ZNF3: variants seen among roughly 807,000 people sequenced by gnomAD.
The protein encoded by ZNF3 is C2-H2 type zinc finger protein.
ZNF3 carries 16 observed loss-of-function variants against 36.9 expected under a neutral mutation model. That is an observed-to-expected ratio of 0.43 (90% CI 0.29 to 0.66). The LOEUF is 0.66. ZNF3 is among the 30% of genes least tolerant of loss of function. The pLI is 0.13. For synonymous variants in ZNF3, 201 were observed against 201.9 expected (o/e 1.00, Z 0.04); for missense variants, 462 against 543.1 (o/e 0.85, Z 1.48).
At chr7:100,065,508 C>T (rs1332344666), downstream of ZNF3, among the ~76,000 whole-genome samples, 1 of 151,962 alleles carries the variant, frequency 6.6e-6, no homozygotes, top group Non-Finnish European at 1.5e-5. Context: ...TGTGCCGGCA[C>T]AGCTGTTGTG....
upstream of ZNF3, chr7:100,082,170 T>C (rs1159361006): frequency 6.6e-6 from 1 of 152,224 alleles, no homozygotes; most frequent in African/African-American, 2.4e-5. Context: ...CAAACCGAGT[T>C]TTTTTTGTTT....
At chr7:100,066,373 C>T (rs984576972), downstream of ZNF3, among the ~76,000 whole-genome samples, 2 of 151,920 alleles carry the variant, frequency 1.3e-5, no homozygotes, top group Admixed American at 1.3e-4. Flanking sequence ...CCCAGGAGTT[C>T]GAGACCAGCC....
rs767923307 is a variant in ZNF3 at position 100,064,055 on chromosome 7, G to C, written c.*733C>G. ...TGTGCTGAATGTGGCAAAGCCTTTA[G>C]TAATAGCTCAAATCTCACCAAACAC... is the stretch of plus-strand genomic sequence containing the variant. On this transcript the variant is annotated 3_prime_UTR_variant, in exon 6 of 6. Coordinates refer to the ZNF3 transcript ENST00000413658. 1.5e-5 allele frequency: 25 copies of C among 1,614,120 alleles called. No individual in the cohort carries two copies. The South Asian group carries it at 2.6e-4, about 17-fold the overall frequency.
chr7:100,077,135 T>C lies in ZNF3; in HGVS notation c.55+168A>G, dbSNP rs1420647864. On this transcript the variant is annotated intron_variant, in intron 3 of 5. Coordinates refer to ENST00000299667, the MANE Select transcript of ZNF3 (RefSeq NM_032924.5). ...TCAAACCTATCAAGCTGTCATTGAT[T>C]ACTGTTCGGTCAGCTTCCCCACTAG... 9 of 701,392 alleles carry C rather than the reference T, an allele frequency of 1.3e-5. No individual in the cohort carries two copies. In the Admixed American group the frequency reaches 1.3e-4, roughly 10 times the overall value. The allele number at this position is 701,392 out of a possible 1,614,324, so 43.4% of individuals were successfully genotyped here.
downstream of ZNF3, chr7:100,065,091 A>C (rs964966582): frequency 3.1e-4 from 285 of 928,714 alleles, 2 homozygotes; most frequent in Admixed American, 1.1e-3. Flanking sequence ...TTGAATACTT[A>C]CAGATGGAGA....
chr7:100,074,661 A>G (rs1412090555), intron 5 of ZNF3, among the ~76,000 whole-genome samples: 1 of 152,220 alleles, frequency 6.6e-6, no homozygotes, highest in Non-Finnish European at 1.5e-5. Flanking sequence ...AAGAATATAT[A>G]TGAGAACTCT....
chr7:100,064,092 C>G, exon 6 of ZNF3: 1 of 1,614,190 alleles, frequency 6.2e-7, no homozygotes, highest in East Asian at 2.2e-5. Flanking sequence ...GGAGAACACA[C>G]ACTGGGGAGA....
In ZNF3 at chr7:100,064,123, T is replaced by C. The variant is rs368423078; in HGVS notation, c.*665A>G. 37 of 1,614,044 alleles carry C rather than the reference T, an allele frequency of 2.3e-5. No homozygotes were observed. In the African/African-American group the frequency reaches 4.8e-4, roughly 21 times the overall value. On this transcript the variant is annotated 3_prime_UTR_variant, in exon 6 of 6. Coordinates refer to the ZNF3 transcript ENST00000413658. The stretch of plus-strand genomic sequence containing the variant: ...GGAGAAACCTTACGTGTGCACCAAG[T>C]GTGGGAAAGCTTTCAGCCACAGCTC...
chr7:100,066,861 CCT>C (rs1186674618), downstream of ZNF3, among the ~76,000 whole-genome samples: 3 of 151,574 alleles, frequency 2.0e-5, no homozygotes, highest in Admixed American at 1.3e-4. Flanking sequence ...ATGGTGAGAC[CCT>C]GTCTCTACTA....
In ZNF3 at chr7:100,070,353, T is replaced by G; in HGVS notation, c.*790A>C. ...CCCAGGCATTTAGAGAAAATCATTT[T>G]CATCATTGGAGTGGGAAGAGGACAA... On this transcript the variant is annotated 3_prime_UTR_variant, in exon 6 of 6. Transcript: ENST00000299667. 1.0e-6 allele frequency: 1 copy of G among 985,456 alleles called. No homozygotes were observed. The highest frequency in any genetic ancestry group is 1.2e-6 in the Non-Finnish European group (1 of 829,980). 61.0% of individuals were successfully genotyped at this position (985,456 alleles called of 1,614,324 possible).
At chr7:100,075,061 G>A in intron 5 of ZNF3, 74 bp downstream of exon 5, 2 of 1,516,520 alleles carry the variant, frequency 1.3e-6, no homozygotes, top group Non-Finnish European at 1.8e-6. Flanking sequence ...TCTTTTCAGT[G>A]ACTAGATTGT....
Position 100,070,670 on chromosome 7 carries a change from C to T in ZNF3, c.*473G>A. ...TTAACGAAATCATGAAACAAAACAG[C>T]ATGTTTCTTACCGAAACTTAAAGCT... On this transcript the variant is annotated 3_prime_UTR_variant, in exon 6 of 6. Transcript: ENST00000299667. 6.1e-6 allele frequency: 6 copies of T among 991,542 alleles called. No individual in the cohort carries two copies. Among genetic ancestry groups the T allele is most frequent in the Non-Finnish European group, 6.0e-6 (5 of 833,374 alleles). The allele number at this position is 991,542 out of a possible 1,614,324, so 61.4% of individuals were successfully genotyped here. A position where few individuals can be genotyped will look rare whatever the true frequency, so the allele number is the denominator to read the frequency against.
At chr7:100,072,860 T>C (rs1034956050) in intron 5 of ZNF3, among the ~76,000 whole-genome samples, 3 of 152,228 alleles carry the variant, frequency 2.0e-5, no homozygotes, top group Non-Finnish European at 4.4e-5. Context: ...TTCACTCCTT[T>C]TGAGTTTCTA....
At chr7:100,072,282 T>G (rs747960130) in intron 5 of ZNF3, 70 bp from the exon 6 acceptor site, 31 of 1,374,448 alleles carry the variant, frequency 2.3e-5, no homozygotes, top group Non-Finnish European at 3.0e-5. Context: ...CAGGACAGGA[T>G]CATTGTAACG....
chr7:100,071,990 G>C lies in ZNF3; in HGVS notation c.494C>G (p.Thr165Ser). The C allele has an allele frequency of 1.2e-6, 2 of 1,613,998 alleles. No individual in the cohort carries two copies. Among genetic ancestry groups the C allele is most frequent in the Non-Finnish European group, 8.5e-7 (1 of 1,179,972 alleles). Residue 165 changes from threonine to serine, a missense_variant, in exon 6 of 6, where the codon ACC becomes AGC. Transcript: ENST00000299667. ...TTTCTCGCTTCTCTCTCCCCTGGGGGTTAGCTTCTCCTCAACTGTCACTTG... is the reference window on the plus strand; with the variant it reads ...TTTCTCGCTTCTCTCTCCCCTGGGGCTTAGCTTCTCCTCAACTGTCACTTG... The part of the protein sequence containing the change: ...FGQVTVEEKL[T>S]PRGERSEKYN...
At chr7:100,069,363 C>A (rs979861937), downstream of ZNF3, among the ~76,000 whole-genome samples, 2 of 152,040 alleles carry the variant, frequency 1.3e-5, no homozygotes, top group African/African-American at 2.4e-5. Context: ...CCAGCCTGGG[C>A]AACATGGTGA....
chr7:100,068,966 G>A (rs548831678), downstream of ZNF3, among the ~76,000 whole-genome samples: 20 of 151,748 alleles, frequency 1.3e-4, no homozygotes, highest in African/African-American at 4.8e-4. Context: ...ACAGGCACGT[G>A]CCACCACACC....
chr7:100,064,988 C>G, downstream of ZNF3: 1 of 1,553,996 alleles, frequency 6.4e-7, no homozygotes, highest in Non-Finnish European at 8.8e-7. Context: ...AAGAATTGAG[C>G]CACATTGAAC....
chr7:100,064,843 G>A (rs377078484), exon 6 of ZNF3: 16 of 1,613,930 alleles, frequency 9.9e-6, no homozygotes, highest in Admixed American at 5.0e-5. Context: ...GAGTCCCTTC[G>A]CCACACTTAG....
Sources: gnomAD v4.1 joint callset for allele counts (sites outside exome capture counted in the v4.1 genomes callset) on GRCh38, gnomAD v4.1.1 for gene constraint, MANE v1.5 for transcripts, NCBI Gene and HGNC (gene_info 2026-07-23, HGNC 2026-07-21) for gene names.